CRTAP: variants seen among roughly 807,000 people sequenced by gnomAD.
CRTAP encodes the protein cartilage-associated protein.
In CRTAP, 33 loss-of-function variants were observed where a neutral mutation model predicts 42.7. That is an observed-to-expected ratio of 0.77 (90% CI 0.59 to 1.03). The LOEUF (loss-of-function observed/expected upper bound fraction) is 1.03. Among genes scored for constraint, CRTAP ranks in the 50% least tolerant of loss-of-function variants. The probability of loss-of-function intolerance (pLI) is 0.00; values close to 1 mark genes in which losing one functional copy is unlikely to be tolerated. For missense variants in CRTAP, 613 were observed against 533.9 expected (o/e 1.15, Z -1.46); for synonymous variants, 243 against 217.7 (o/e 1.12, Z -1.02).
At position 33,146,035 on chromosome 3, in the gene CRTAP, A is replaced by C. The variant is rs529199226; in HGVS notation, c.*3587A>C. On this transcript the variant is annotated 3_prime_UTR_variant, in exon 7 of 7. Transcript: ENST00000320954. ...TCAAAGGAAACCAAACCTTAAAAAA[A>C]AAAAACAAAAACTGGGCTGGGTCTT... 13 of 152,088 alleles carry C rather than the reference A, an allele frequency of 8.5e-5. No individual in the cohort carries two copies. The highest frequency in any genetic ancestry group is 1.9e-4 in the African/African-American group (8 of 41,382). The allele number at this position is 152,088 out of a possible 1,614,324, so 9.4% of individuals were successfully genotyped here.
At chr3:33,139,351 C>T (rs1445875636) in intron 6 of CRTAP, among the ~76,000 whole-genome samples, 1 of 152,060 alleles carries the variant, frequency 6.6e-6, no homozygotes. Flanking sequence ...GTCTTGTTCC[C>T]AGTCTTAAAA....
At chr3:33,116,277 A>G (rs1701342466) in intron 1 of CRTAP, among the ~76,000 whole-genome samples, 2 of 152,214 alleles carry the variant, frequency 1.3e-5, no homozygotes, top group Admixed American at 1.3e-4. Context: ...TAGGATGGTC[A>G]TAGCTTCTCT....
At chr3:33,133,206 C>T (rs2030320453) in intron 5 of CRTAP, among the ~76,000 whole-genome samples, 1 of 151,940 alleles carries the variant, frequency 6.6e-6, no homozygotes, top group African/African-American at 2.4e-5. Context: ...AATCCTACAC[C>T]TTCTTTCTCT....
In CRTAP at chr3:33,114,090, C is replaced by G; in HGVS notation, c.13C>G (p.Arg5Gly). 6.8e-7 allele frequency: 1 copy of G among 1,461,210 alleles called. No individual in the cohort carries two copies. The highest frequency in any genetic ancestry group is 9.0e-7 in the Non-Finnish European group (1 of 1,113,702). 90.5% of individuals were successfully genotyped at this position (1,461,210 alleles called of 1,614,324 possible). MEPG[R>G]RGAAALLALL... ...TTCGCCGGGCGCGATGGAGCCGGGG[C>G]GCCGGGGGGCCGCGGCGCTGCTAGC... is the stretch of plus-strand genomic sequence containing the variant. The change falls in exon 1 of 7, where the codon CGC (arginine) becomes GGC (glycine). Residue 5 changes from arginine to glycine, a missense_variant. Arg to Gly is a moderately radical substitution (Grantham distance 125). Coordinates refer to ENST00000320954, the MANE Select transcript of CRTAP (RefSeq NM_006371.5).
intron 1 of CRTAP, among the ~76,000 whole-genome samples, chr3:33,117,542 G>A (rs1477871670): frequency 2.6e-5 from 4 of 152,228 alleles, no homozygotes; most frequent in Non-Finnish European, 5.9e-5. Flanking sequence ...CAAGCAAAAA[G>A]TAGGCCGGAG....
chr3:33,138,210 G>T (rs1052046579), intron 6 of CRTAP, among the ~76,000 whole-genome samples: 1 of 151,990 alleles, frequency 6.6e-6, no homozygotes, highest in African/African-American at 2.4e-5. Flanking sequence ...TCTTTTCCAA[G>T]ATGATTTTGG....
At position 33,144,888 on chromosome 3, in the gene CRTAP, A is replaced by C. The variant is rs929064434; in HGVS notation, c.*2440A>C. 4 of 152,224 alleles carry C rather than the reference A, an allele frequency of 2.6e-5. No individual in the cohort carries two copies. The highest frequency in any genetic ancestry group is 1.3e-4 in the Admixed American group (2 of 15,268). The allele number at this position is 152,224 out of a possible 1,614,324, so 9.4% of individuals were successfully genotyped here. A position where few individuals can be genotyped will look rare whatever the true frequency, so the allele number is the denominator to read the frequency against. On this transcript the variant is annotated 3_prime_UTR_variant, in exon 7 of 7. Transcript: ENST00000320954. ...GTGTTCTGGAAGCTGAGCTTTCTTT[A>C]TTCAACCTCATTCCCTTCTCCAAAT... is the stretch of plus-strand genomic sequence containing the variant.
intron 3 of CRTAP, among the ~76,000 whole-genome samples, chr3:33,128,523 A>G (rs1427800190): frequency 6.6e-6 from 1 of 152,158 alleles, no homozygotes; most frequent in Non-Finnish European, 1.5e-5. Flanking sequence ...CCTCCTCAGG[A>G]TATCACGTCA....
chr3:33,114,264 A>G lies in CRTAP; in HGVS notation c.187A>G (p.Ser63Gly). The G allele has an allele frequency of 6.3e-7, 1 of 1,583,008 alleles. No individual in the cohort carries two copies. Among genetic ancestry groups the G allele is most frequent in the Non-Finnish European group, 8.5e-7 (1 of 1,171,384 alleles). ...DKYSGEHWAE[S>G]VGYLEISLRL... ...GTACAGCGGCGAGCACTGGGCCGAG[A>G]GCGTGGGCTACCTGGAGATCAGCCT... The change falls in exon 1 of 7, where the codon AGC becomes GGC. Residue 63 changes from serine to glycine, a missense_variant. Transcript: ENST00000320954.
intron 5 of CRTAP, among the ~76,000 whole-genome samples, chr3:33,133,246 A>G (rs1317084936): frequency 1.4e-5 from 2 of 145,422 alleles, no homozygotes; most frequent in Admixed American, 7.1e-5. Context: ...TCGTAATCCT[A>G]CACCTTCTCT....
At chr3:33,123,045 C>T (rs554251777) in intron 2 of CRTAP, among the ~76,000 whole-genome samples, 1 of 152,272 alleles carries the variant, frequency 6.6e-6, no homozygotes, top group East Asian at 1.9e-4. Flanking sequence ...CTTACTGCAA[C>T]CTCCACCTCC....
intron 3 of CRTAP, among the ~76,000 whole-genome samples, chr3:33,125,489 A>C: frequency 1.6e-5 from 1 of 61,580 alleles, no homozygotes; most frequent in South Asian, 6.1e-4. Context: ...TCTACAAAGT[A>C]GGTTTTTTTT....
At chr3:33,125,764 A>G (rs3924071) in intron 3 of CRTAP, among the ~76,000 whole-genome samples, 54,253 of 151,964 alleles carry the variant, frequency 0.36, 11,620 homozygotes, top group Middle Eastern at 0.49. Context: ...TTTTTTAAAC[A>G]TAACACCAAA....
rs575679941 is a variant in CRTAP, at chr3:33,139,927, A to T, written c.1153-2468A>T. Reference sequence around the variant, plus strand: ...AATATTACATGATATAGATAATTTTAAGAAATATAGCCTTTTTGTAGGCAT... The same window carrying T: ...AATATTACATGATATAGATAATTTTTAGAAATATAGCCTTTTTGTAGGCAT... On this transcript the variant is annotated intron_variant, in intron 6 of 6. Transcript: ENST00000320954. 2.0e-5 allele frequency among the ~76,000 whole-genome samples: 3 copies of T among 152,354 alleles called. No individual in the cohort carries two copies. In the East Asian group the frequency reaches 5.8e-4, roughly 29 times the overall value.
chr3:33,133,815 C>T (rs907062369), intron 5 of CRTAP, among the ~76,000 whole-genome samples: 8 of 152,148 alleles, frequency 5.3e-5, no homozygotes, highest in Non-Finnish European at 8.8e-5. Context: ...CACCACTTAG[C>T]ATGTGTTGTC....
Position 33,146,195 on chromosome 3 carries a change from C to T in CRTAP, c.*3747C>T, listed in dbSNP as rs769726204. 2.0e-5 allele frequency: 3 copies of T among 152,232 alleles called. No homozygotes were observed. Among genetic ancestry groups the T allele is most frequent in the African/African-American group, 7.2e-5 (3 of 41,418 alleles). 9.4% of individuals were successfully genotyped at this position (152,232 alleles called of 1,614,324 possible). On this transcript the variant is annotated 3_prime_UTR_variant, in exon 7 of 7. Transcript: ENST00000320954. ...CCATTGGTTCAGCCTCAAGTCTGGCCCGTCTTCGAAAAAACAAACACATTT... is the reference window on the plus strand; with the variant it reads ...CCATTGGTTCAGCCTCAAGTCTGGCTCGTCTTCGAAAAAACAAACACATTT...
rs574942957 is a variant in CRTAP, at chr3:33,142,637, C to T, written c.*189C>T. ...GCCTTTCCTATCTTCACACCTGCCA[C>T]CTCATGTTCACACCTATCTTTCTCA... On this transcript the variant is annotated 3_prime_UTR_variant, in exon 7 of 7. Transcript: ENST00000320954. 3 of 591,520 alleles carry T rather than the reference C, an allele frequency of 5.1e-6. No individual in the cohort carries two copies. The highest frequency in any genetic ancestry group is 9.0e-6 in the Non-Finnish European group (3 of 331,670). The allele number at this position is 591,520 out of a possible 1,614,324, so 36.6% of individuals were successfully genotyped here. A position where few individuals can be genotyped will look rare whatever the true frequency, so the allele number is the denominator to read the frequency against.
chr3:33,134,492 G>GTGTGGGGCCA (rs1011582345), intron 6 of CRTAP, among the ~76,000 whole-genome samples: 5 of 152,140 alleles, frequency 3.3e-5, no homozygotes, highest in African/African-American at 1.2e-4. Context: ...AGCGAAACGG[G>GTGTGGGGCCA]TGTGGGGCCA....
chr3:33,140,794 A>G (rs2030549474), intron 6 of CRTAP, among the ~76,000 whole-genome samples: 1 of 152,230 alleles, frequency 6.6e-6, no homozygotes, highest in South Asian at 2.1e-4. Context: ...GAGTGCTCTC[A>G]GGTAGGAACG....
Sources: gnomAD v4.1 joint callset for allele counts (sites outside exome capture counted in the v4.1 genomes callset) on GRCh38, gnomAD v4.1.1 for gene constraint, MANE v1.5 for transcripts, NCBI Gene and HGNC (gene_info 2026-07-23, HGNC 2026-07-21) for gene names.